NCOR2: variants seen among roughly 807,000 people sequenced by gnomAD.
NCOR2 encodes the protein CTG repeat protein 26.
Under a neutral mutation model 262.9 loss-of-function variants are expected in NCOR2, and 81 were observed. The ratio of observed to expected loss-of-function variants is 0.31; its 90% CI spans 0.26 to 0.37. The LOEUF is 0.37. NCOR2 is among the 10% of genes least tolerant of loss of function. The probability of loss-of-function intolerance (pLI) is 1.00; values close to 1 mark genes in which losing one functional copy is unlikely to be tolerated. For missense variants in NCOR2, 3,385 were observed against 3,621.4 expected (o/e 0.93, Z 1.68); for synonymous variants, 1,659 against 1,559.3 (o/e 1.06, Z -1.51).
intron 14 of NCOR2, 76 bp from the exon 17 acceptor site, chr12:124,400,749 C>G: frequency 1.9e-6 from 3 of 1,544,944 alleles, no homozygotes; most frequent in South Asian, 1.1e-5. Context: ...GAGACTGTTT[C>G]TTTAGCTGGA....
intron 11 of NCOR2, among the ~76,000 whole-genome samples, chr12:124,423,378 A>T (rs1335964107): frequency 6.6e-6 from 1 of 152,164 alleles, no homozygotes; most frequent in Non-Finnish European, 1.5e-5. Context: ...GTGGGCTCCC[A>T]CGGAGGGAGG....
At chr12:124,475,493 A>T (rs2047060431) in intron 3 of NCOR2, among the ~76,000 whole-genome samples, 1 of 152,244 alleles carries the variant, frequency 6.6e-6, no homozygotes, top group Non-Finnish European at 1.5e-5. Flanking sequence ...GCCAGATGGT[A>T]AAAATAGCTC....
At chr12:124,429,820 C>T (rs1015765831) in intron 9 of NCOR2, 114 bp from the exon 12 acceptor site, 21 of 1,039,182 alleles carry the variant, frequency 2.0e-5, no homozygotes, top group Middle Eastern at 2.8e-4. Context: ...GTGTGGGCAG[C>T]GGCCAGCAGA....
At chr12:124,386,031 A>C in intron 16 of NCOR2, 144 bp from the exon 19 acceptor site, 1 of 1,055,706 alleles carries the variant, frequency 9.5e-7, no homozygotes, top group Non-Finnish European at 1.3e-6. Context: ...CTGGAAGAAG[A>C]GACAGTGATG....
chr12:124,423,083 G>A (rs928495448), intron 11 of NCOR2, among the ~76,000 whole-genome samples: 6 of 152,216 alleles, frequency 3.9e-5, no homozygotes, highest in African/African-American at 7.2e-5. Context: ...CCAAGGAGGC[G>A]GCAAGCATGG....
intron 1 of NCOR2, among the ~76,000 whole-genome samples, chr12:124,515,854 CACA>C (rs1242383294): frequency 6.6e-6 from 1 of 152,142 alleles, no homozygotes; most frequent in Non-Finnish European, 1.5e-5. Flanking sequence ...CTCCAGTGAT[CACA>C]ACCAGTCCAT....
chr12:124,424,606 C>G (rs1291224909), intron 11 of NCOR2, among the ~76,000 whole-genome samples: 9 of 152,222 alleles, frequency 5.9e-5, no homozygotes, highest in Admixed American at 4.6e-4. Context: ...TGGATAGCCA[C>G]TGTGTCCTTT....
chr12:124,325,376 C>CGGGG, exon 47 of NCOR2: 7 of 426,506 alleles, frequency 1.6e-5, no homozygotes, highest in Non-Finnish European at 2.4e-5. Flanking sequence ...GACCTGACAC[C>CGGGG]GCCCCCCCCC....
At chr12:124,336,830 G>A (rs1038607367) in exon 38 of NCOR2, 2 of 1,613,032 alleles carry the variant, frequency 1.2e-6, no homozygotes, top group East Asian at 2.2e-5. Context: ...CGAGGCCGAG[G>A]CAGGTGGCGC....
Position 124,372,718 on chromosome 12 carries a change from A to G in NCOR2, c.2219-108T>C. ...GAGGCCGCTCTGTCGCCTGATGCCA[A>G]AACAGCCCCGAGGCTCCTACACACC... is the stretch of plus-strand genomic sequence containing the variant. On this transcript the variant is annotated intron_variant, in intron 19 of 46. Coordinates refer to ENST00000405201, the Ensembl canonical transcript of NCOR2. 4.0e-6 allele frequency: 4 copies of G among 1,002,766 alleles called. No individual in the cohort carries two copies. In the South Asian group the frequency reaches 6.2e-5, roughly 15 times the overall value. The allele number at this position is 1,002,766 out of a possible 1,614,324, so 62.1% of individuals were successfully genotyped here.
At chr12:124,351,926 T>C (rs2037508915) in intron 27 of NCOR2, among the ~76,000 whole-genome samples, 1 of 152,200 alleles carries the variant, frequency 6.6e-6, no homozygotes, top group African/African-American at 2.4e-5. Flanking sequence ...CTGGCTGGAC[T>C]TGCTTGGCTG....
chr12:124,350,839 T>C lies in NCOR2; in HGVS notation c.3694-102A>G, dbSNP rs2037387635. The C allele has an allele frequency of 1.7e-5, 21 of 1,218,192 alleles. No individual in the cohort carries two copies. The South Asian group carries it at 2.3e-4, about 13-fold the overall frequency. 75.5% of individuals were successfully genotyped at this position (1,218,192 alleles called of 1,614,324 possible). A position where few individuals can be genotyped will look rare whatever the true frequency, so the allele number is the denominator to read the frequency against. On this transcript the variant is annotated intron_variant, in intron 27 of 46. Coordinates refer to ENST00000405201, the Ensembl canonical transcript of NCOR2. Reference sequence around the variant, plus strand: ...GCTTAAAAGCCCATGTGCCCACCGATGCACACGCGTGTCCACACACACACT... The same window carrying C: ...GCTTAAAAGCCCATGTGCCCACCGACGCACACGCGTGTCCACACACACACT...
chr12:124,402,395 C>T lies in NCOR2; in HGVS notation c.1640+9G>A, dbSNP rs1479864403. 6.2e-7 allele frequency: 1 copy of T among 1,613,874 alleles called. No individual in the cohort carries two copies. The highest frequency in any genetic ancestry group is 1.1e-5 in the South Asian group (1 of 91,082). On this transcript the variant is annotated intron_variant, in intron 14 of 46. Transcript: ENST00000405201. ...GCCGGGCCCTGCAGGGGACAGCAGG[C>T]TGCCTTACTTGAGGAGGTCTTCCTT...
intron 6 of NCOR2, among the ~76,000 whole-genome samples, chr12:124,451,062 G>A (rs1307036701): frequency 2.6e-5 from 4 of 152,266 alleles, no homozygotes; most frequent in Non-Finnish European, 4.4e-5. Flanking sequence ...GCTGTGGCCA[G>A]TGGAATTGCT....
chr12:124,359,698 G>C (rs554615272), intron 22 of NCOR2, among the ~76,000 whole-genome samples: 1 of 152,240 alleles, frequency 6.6e-6, no homozygotes, highest in Non-Finnish European at 1.5e-5. Flanking sequence ...GGAGCTGTTC[G>C]ATGCTGGAAG....
intron 22 of NCOR2, among the ~76,000 whole-genome samples, chr12:124,360,685 C>T (rs1389052816): frequency 2.6e-5 from 4 of 152,038 alleles, no homozygotes; most frequent in Non-Finnish European, 5.9e-5. Flanking sequence ...CACAACCACC[C>T]CCGGCGACTC....
intron 7 of NCOR2, among the ~76,000 whole-genome samples, chr12:124,442,513 G>A (rs946408249): frequency 1.3e-5 from 2 of 152,202 alleles, no homozygotes; most frequent in Non-Finnish European, 2.9e-5. Context: ...GTGTGTGGGG[G>A]AACTCTGTGG....
At chr12:124,324,753 T>A (rs1341641537) in exon 47 of NCOR2, 1 of 152,562 alleles carries the variant, frequency 6.6e-6, no homozygotes, top group African/African-American at 2.4e-5. Context: ...ATCATTTACA[T>A]CTGCCTTTCC....
At chr12:124,458,420 C>A (rs1213685447) in intron 5 of NCOR2, among the ~76,000 whole-genome samples, 1 of 152,176 alleles carries the variant, frequency 6.6e-6, no homozygotes. Context: ...GAGCTGCCTC[C>A]GCCTACAGCC....
Sources: gnomAD v4.1 joint callset for allele counts (sites outside exome capture counted in the v4.1 genomes callset) on GRCh38, gnomAD v4.1.1 for gene constraint, MANE v1.5 for transcripts, NCBI Gene and HGNC (gene_info 2026-07-23, HGNC 2026-07-21) for gene names.